GGA2: variants seen among roughly 807,000 people sequenced by gnomAD.
The protein encoded by GGA2 is golgi associated, gamma adaptin ear containing, ARF binding protein 2.
In GGA2, 48 loss-of-function variants were observed where a neutral mutation model predicts 79.5. The ratio of observed to expected loss-of-function variants is 0.60; its 90% confidence interval spans 0.48 to 0.77. GGA2 has a LOEUF of 0.77. Ranked by LOEUF, GGA2 falls within the 30% of genes least tolerant of loss-of-function variation. GGA2 has a pLI of 0.00. For synonymous variants in GGA2, 317 were observed against 302.0 expected, an observed-to-expected ratio of 1.05 and a Z score of -0.51; for missense variants, 770 against 774.0, an observed-to-expected ratio of 0.99 and a Z score of 0.06.
chr16:23,504,552 C>A (rs1331317644), intron 1 of GGA2, among the ~76,000 whole-genome samples: 1 of 152,194 alleles, frequency 6.6e-6, no homozygotes, highest in African/African-American at 2.4e-5. Flanking sequence ...CACATAATCC[C>A]AGCCTGCACA....
intron 1 of GGA2, 117 bp downstream of exon 1, chr16:23,510,204 T>G (rs1965022008): frequency 1.9e-6 from 1 of 524,342 alleles, no homozygotes; most frequent in East Asian, 4.0e-5. Context: ...CCAGGCCCCC[T>G]ACCCGGCCGC....
chr16:23,515,840 A>G (rs1965099734), intron 2 of GGA2, among the ~76,000 whole-genome samples: 1 of 151,970 alleles, frequency 6.6e-6, no homozygotes, highest in Admixed American at 6.6e-5. Context: ...CTTATCTATC[A>G]ATTTTTATTT....
Position 23,477,086 on chromosome 16 carries a change from G to C in GGA2, c.1292+1282C>G, listed in dbSNP as rs528001153. Among the ~76,000 whole-genome samples the C allele has an allele frequency of 1.1e-4, 16 of 152,208 alleles. No individual in the cohort carries two copies. In the South Asian group the frequency reaches 3.3e-3, roughly 32 times the overall value. On this transcript the variant is annotated intron_variant, in intron 13 of 16. Transcript: ENST00000309859. ...TCTACCTCAGCCTCCTGAGCAGCTG[G>C]GACTACAGTCATGACCTACCACGCC... is the stretch of plus-strand genomic sequence containing the variant.
chr16:23,495,660 C>T (rs1029012019), intron 2 of GGA2, 34 bp downstream of exon 2: 2 of 1,259,772 alleles, frequency 1.6e-6, no homozygotes, highest in Non-Finnish European at 2.3e-6. Flanking sequence ...GGGGTGCCCC[C>T]AGAGTCAACT....
At chr16:23,490,795 T>C (rs1348656973) in intron 5 of GGA2, among the ~76,000 whole-genome samples, 2 of 151,752 alleles carry the variant, frequency 1.3e-5, no homozygotes, top group African/African-American at 2.4e-5. Context: ...TACTGAAAGA[T>C]CTTTTGTAAC....
At chr16:23,507,117 T>A (rs993852044) in intron 1 of GGA2, among the ~76,000 whole-genome samples, 1 of 152,154 alleles carries the variant, frequency 6.6e-6, no homozygotes, top group Non-Finnish European at 1.5e-5. Context: ...GAAAAACAGC[T>A]GAGGAGGCCA....
intron 1 of GGA2, among the ~76,000 whole-genome samples, chr16:23,501,841 G>C (rs1209012509): frequency 6.6e-6 from 1 of 152,196 alleles, no homozygotes; most frequent in Admixed American, 6.5e-5. Flanking sequence ...ATGGTGGTAT[G>C]AACAGTGGGT....
chr16:23,488,659 G>A lies in GGA2; in HGVS notation c.526C>T (p.Pro176Ser), dbSNP rs540176677. The change falls in exon 6 of 17, where the codon CCA (proline) becomes TCA (serine). Residue 176 changes from proline to serine, a missense_variant. Pro to Ser is a moderately conservative substitution (Grantham distance 74, BLOSUM62 -1). Coordinates refer to ENST00000309859, the MANE Select transcript of GGA2 (RefSeq NM_015044.4). ...KLPVDKILPP[P>S]SPWPKSSIFD... ...ATGGAGCTCTTGGGCCAGGGAGATG[G>A]TGGGGGTAAGATTTTATCCACTGGT... The A allele has an allele frequency of 2.5e-6, 4 of 1,611,372 alleles. No individual in the cohort carries two copies. The East Asian group carries it at 6.7e-5, about 27-fold the overall frequency.
At chr16:23,491,586 A>C in intron 5 of GGA2, 91 bp downstream of exon 5, 1 of 1,179,760 alleles carries the variant, frequency 8.5e-7, no homozygotes. Context: ...TAAGAAGTAC[A>C]GCTTTCAACA....
At chr16:23,480,919 T>C (rs905251934) in intron 9 of GGA2, 149 bp from the exon 10 acceptor site, 9 of 710,478 alleles carry the variant, frequency 1.3e-5, no homozygotes, top group Non-Finnish European at 2.2e-5. Context: ...CATCGGACCC[T>C]ATCAGGCCTA....
intron 6 of GGA2, 38 bp from the exon 7 acceptor site, chr16:23,486,828 A>T: frequency 8.5e-7 from 1 of 1,181,298 alleles, no homozygotes; most frequent in Non-Finnish European, 1.3e-6. Context: ...TGAGACCACA[A>T]CTCCCTCAGG....
upstream of GGA2, chr16:23,523,106 G>A (rs1481957735): frequency 6.6e-6 from 1 of 152,220 alleles, no homozygotes; most frequent in East Asian, 1.9e-4. Flanking sequence ...ACACAAGTCA[G>A]GCCTATTCAA....
In GGA2 at chr16:23,463,604, TTATC is replaced by T. The variant is rs1339709568; in HGVS notation, c.*3982_*3985del. The T allele has an allele frequency of 1.3e-5, 2 of 152,162 alleles. No homozygotes were observed. The highest frequency in any genetic ancestry group is 2.4e-5 in the African/African-American group (1 of 41,436). 9.4% of individuals were successfully genotyped at this position (152,162 alleles called of 1,614,324 possible). A position where few individuals can be genotyped will look rare whatever the true frequency, so the allele number is the denominator to read the frequency against. ...AGCTCAGAAAAAATTTAAAGAAAAT[TTATC>T]TATAATTCCCTGACCCAAAGATTAC... is the stretch of plus-strand genomic sequence containing the variant. On this transcript the variant is annotated 3_prime_UTR_variant, in exon 17 of 17. Coordinates refer to ENST00000309859, the MANE Select transcript of GGA2 (RefSeq NM_015044.4).
chr16:23,491,378 T>TG (rs1964784755), intron 5 of GGA2, among the ~76,000 whole-genome samples: 1 of 149,306 alleles, frequency 6.7e-6, no homozygotes, highest in Non-Finnish European at 1.5e-5. Flanking sequence ...GATAAATAAG[T>TG]GCTTTAGTGA....
chr16:23,521,491 T>C (rs1965141941), intron 1 of GGA2, among the ~76,000 whole-genome samples: 1 of 151,968 alleles, frequency 6.6e-6, no homozygotes, highest in South Asian at 2.1e-4. Context: ...CCTTAACGCC[T>C]CAGCTCAAGT....
intron 14 of GGA2, among the ~76,000 whole-genome samples, chr16:23,470,489 G>T (rs934010563): frequency 7.2e-5 from 11 of 152,106 alleles, no homozygotes; most frequent in Admixed American, 7.2e-4. Flanking sequence ...TCAGCCAGGC[G>T]TGGGGGCTCA....
chr16:23,513,931 C>T (rs1965088966), upstream of GGA2, among the ~76,000 whole-genome samples: 1 of 152,018 alleles, frequency 6.6e-6, no homozygotes, highest in Admixed American at 6.6e-5. Flanking sequence ...ACAGGTAAGC[C>T]AAGAAGAATT....
chr16:23,469,910 T>C, intron 15 of GGA2, 86 bp downstream of exon 15: 2 of 1,008,924 alleles, frequency 2.0e-6, no homozygotes, highest in South Asian at 2.1e-5. Flanking sequence ...GATTCTTTCC[T>C]TGACACTCGA....
At chr16:23,501,684 A>G (rs749937131) in intron 1 of GGA2, 8 of 175,350 alleles carry the variant, frequency 4.6e-5, no homozygotes, top group Non-Finnish European at 7.3e-5. Context: ...AATTAACATT[A>G]TAAGATCCTA....
Sources: gnomAD v4.1 joint callset for allele counts (sites outside exome capture counted in the v4.1 genomes callset) on GRCh38, gnomAD v4.1.1 for gene constraint, MANE v1.5 for transcripts, NCBI Gene and HGNC (gene_info 2026-07-23, HGNC 2026-07-21) for gene names.